HELZ2: variants seen among roughly 807,000 people sequenced by gnomAD.
HELZ2 encodes 3'-5' exoribonuclease HELZ2.
A neutral mutation model predicts 208.8 loss-of-function variants in HELZ2; 143 were observed. The ratio of observed to expected loss-of-function variants is 0.68; its 90% CI spans 0.60 to 0.79. The LOEUF is 0.79. HELZ2 is among the 30% of genes least tolerant of loss of function. The pLI is 0.00. For missense variants in HELZ2, 3,690 were observed against 3,794.5 expected, an observed-to-expected ratio of 0.97 and a Z score of 0.72; for synonymous variants, 1,705 against 1,693.7, an observed-to-expected ratio of 1.01 and a Z score of -0.16.
rs773363056 is a variant in HELZ2, at chr20:63,566,839, C to T, written c.2514+5G>A. 1.9e-6 allele frequency: 3 copies of T among 1,587,370 alleles called. No homozygotes were observed. Among genetic ancestry groups the T allele is most frequent in the African/African-American group, 1.3e-5 (1 of 74,802 alleles). On this transcript the variant is annotated splice_donor_5th_base_variant and intron_variant, in intron 6 of 18. Transcript: ENST00000467148. ...CGGGGGCTGTCCCGGGCTGGCCGGG[C>T]TCACCTGGGCACCGTGGGAAACGAC...
chr20:63,562,246 C>T (rs1348363700), intron 9 of HELZ2, 42 bp downstream of exon 10: 2 of 1,584,566 alleles, frequency 1.3e-6, no homozygotes, highest in Admixed American at 1.7e-5. Flanking sequence ...CAGGGTGGGG[C>T]TGGGGGCCAG....
chr20:63,571,971 G>T (rs2083019772), intron 1 of HELZ2, 137 bp downstream of exon 2: 1 of 971,140 alleles, frequency 1.0e-6, no homozygotes, highest in Non-Finnish European at 1.5e-6. Context: ...GTGGGCTCCT[G>T]CCCTACTCCA....
exon 3 of HELZ2, chr20:63,570,610 A>G: frequency 6.2e-7 from 1 of 1,607,676 alleles, no homozygotes; most frequent in East Asian, 2.2e-5. Flanking sequence ...GGTCTCTGCC[A>G]GCTGCGTGGA....
chr20:63,563,663 T>C (rs762773084), exon 8 of HELZ2: 1 of 1,565,610 alleles, frequency 6.4e-7, no homozygotes, highest in South Asian at 1.2e-5. Context: ...CCGCCGCTGA[T>C]AGCTCTGGGC....
chr20:63,565,221 C>T lies in HELZ2; in HGVS notation c.3601G>A (p.Glu1201Lys), dbSNP rs145219009. ...TCCATGCGGCACACAAACGCCAGCTCGTGCCTCTTCCTCTTCAGCACGCCC... is the reference window on the plus strand; with the variant it reads ...TCCATGCGGCACACAAACGCCAGCTTGTGCCTCTTCCTCTTCAGCACGCCC... The change falls in exon 8 of 19, where the codon GAG becomes AAG. Residue 1201 changes from glutamate to lysine, a missense_variant. Transcript: ENST00000467148. The T allele has an allele frequency of 8.0e-5, 128 of 1,608,192 alleles. No individual in the cohort carries two copies. Among genetic ancestry groups the T allele is most frequent in the African/African-American group, 6.4e-4 (48 of 75,002 alleles).
chr20:63,564,278 G>T (rs2146012810), exon 8 of HELZ2: 2 of 1,610,520 alleles, frequency 1.2e-6, no homozygotes, highest in Non-Finnish European at 1.7e-6. Context: ...GAAGCCCAGG[G>T]TGCCGTCCTC....
intron 6 of HELZ2, 65 bp downstream of exon 7, chr20:63,566,779 C>A: frequency 6.9e-7 from 1 of 1,450,314 alleles, no homozygotes; most frequent in Non-Finnish European, 9.3e-7. Context: ...CGTCCATCAG[C>A]CGGAGAGCTC....
chr20:63,560,764 G>A (rs374699475), intron 15 of HELZ2, 31 bp downstream of exon 16: 43 of 1,606,022 alleles, frequency 2.7e-5, no homozygotes, highest in African/African-American at 9.3e-5. Context: ...GGGGCTGCAG[G>A]TGGGCTGGGG....
At chr20:63,573,203 G>T (rs894737020), upstream of HELZ2, 3 of 152,252 alleles carry the variant, frequency 2.0e-5, no homozygotes, top group African/African-American at 7.2e-5. The surrounding 1 kb of genome is among the most constrained non-coding windows in gnomAD (Gnocchi z 4.9). Context: ...CACTGGAACT[G>T]TTGGCCACGG....
At chr20:63,559,336 C>A in exon 19 of HELZ2, 1 of 1,602,764 alleles carries the variant, frequency 6.2e-7, no homozygotes, top group African/African-American at 1.3e-5. Context: ...GGAGGCTACG[C>A]CAGAGGGGGC....
At chr20:63,570,229 G>A (rs1313106669) in intron 3 of HELZ2, 4 of 583,122 alleles carry the variant, frequency 6.9e-6, no homozygotes, top group Non-Finnish European at 1.3e-5. Flanking sequence ...CAAAGTGCTG[G>A]GATTACAGGC....
At chr20:63,559,826 G>A (rs1017188737) in intron 18 of HELZ2, 102 bp downstream of exon 19, 2 of 1,243,030 alleles carry the variant, frequency 1.6e-6, no homozygotes, top group African/African-American at 3.0e-5. Flanking sequence ...GGAGGAGTCA[G>A]GGTCAGGTCG....
rs775497079 is a variant in HELZ2 at position 63,565,805 on chromosome 20, C to G, written c.3017G>C (p.Ser1006Thr). The G allele has an allele frequency of 4.4e-6, 7 of 1,599,380 alleles. No homozygotes were observed. The highest frequency in any genetic ancestry group is 5.1e-6 in the Non-Finnish European group (6 of 1,179,732). ...TGCCGTGATGTCACGGGATGCTGGG[C>G]TCAGAGCCTCATCTCCCGGCTCTGC... The change falls in exon 8 of 19, where the codon AGC becomes ACC. Residue 1006 changes from serine to threonine, a missense_variant. By Grantham distance (58) the Ser-to-Thr change is moderately conservative (BLOSUM62 1). Around this residue, in one of 3 missense-constraint regions of HELZ2, gnomAD observed 2,564 missense variants for 2,580.5 expected, o/e 0.99. Coordinates refer to ENST00000467148, the Ensembl canonical transcript of HELZ2.
chr20:63,564,146 C>T lies in HELZ2; in HGVS notation c.4676G>A (p.Arg1559His), dbSNP rs377343386. ...ACACAGGGCCTTGAGCTGCTGGCTG[C>T]GGGGTGCTGGCTGCCACCGCAGAGG... is the stretch of plus-strand genomic sequence containing the variant. The change falls in exon 8 of 19, where the codon CGC (arginine) becomes CAC (histidine). Residue 1559 changes from arginine (R) to histidine (H), a missense_variant. Transcript: ENST00000467148. The T allele has an allele frequency of 2.5e-5, 40 of 1,611,684 alleles. No homozygotes were observed. In the East Asian group the frequency reaches 4.2e-4, roughly 17 times the overall value.
rs774583691 is a variant in HELZ2, at chr20:63,572,209, G to A, written c.177C>T (p.Cys59=). 146 of 1,605,124 alleles carry A rather than the reference G, an allele frequency of 9.1e-5. 2 individuals carry two copies. Among genetic ancestry groups the A allele is most frequent in the South Asian group, 1.7e-4 (15 of 89,514 alleles). ...CCATCTGTGCGTGCTCCGAGGATGC[G>A]CAGTGGTTCTCGAAGGCCTCCTGAG... is the stretch of plus-strand genomic sequence containing the variant. Residue 59 remains cysteine, a synonymous_variant, in exon 1 of 19, where the codon TGC becomes TGT. Coordinates refer to ENST00000467148, the Ensembl canonical transcript of HELZ2.
chr20:63,563,614 C>T, exon 8 of HELZ2: 1 of 1,539,214 alleles, frequency 6.5e-7, no homozygotes. Context: ...TGTCCAGAGG[C>T]TGGGCCTTGA....
In HELZ2 at chr20:63,559,344, G is replaced by GA; in HGVS notation, c.7851_7852insT (p.Pro2618SerfsTer5). The GA allele has an allele frequency of 6.2e-7, 1 of 1,602,322 alleles. No homozygotes were observed. Among genetic ancestry groups the GA allele is most frequent in the Non-Finnish European group, 8.5e-7 (1 of 1,173,728 alleles). ...AAGTCCAGGAGGCTACGCCAGAGGG[G>GA]GCAGCAGCGCAGAAGGAGGTGGTCT... On this transcript the variant is annotated frameshift_variant, in exon 19 of 19. Coordinates refer to ENST00000467148, the Ensembl canonical transcript of HELZ2. LOFTEE classifies it low-confidence loss of function (END_TRUNC).
At chr20:63,559,210 T>C (rs946389773) in exon 19 of HELZ2, 58 of 1,488,726 alleles carry the variant, frequency 3.9e-5, no homozygotes, top group Admixed American at 2.6e-4. Context: ...GGACTTTCCC[T>C]CCCAGTCCTG....
chr20:63,570,960 T>G, intron 1 of HELZ2, 92 bp from the exon 3 acceptor site: 1 of 1,003,242 alleles, frequency 1.0e-6, no homozygotes. Flanking sequence ...TACTGGCCTC[T>G]GTAGGGAGCA....
Sources: gnomAD v4.1 joint callset for allele counts on GRCh38, gnomAD v4.1.1 for gene constraint, gnomAD v4.1.1 regional missense constraint, Gnocchi (gnomAD v3.1) non-coding constraint, MANE v1.5 for transcripts, NCBI Gene and HGNC (gene_info 2026-07-23, HGNC 2026-07-21) for gene names.